The following UGT1A8 variants were observed in gnomAD, a reference collection of about 807,000 sequenced individuals.
UGT1A8 encodes UDP-glucuronosyltransferase 1A8.
In UGT1A8, 39 loss-of-function variants were observed where a neutral mutation model predicts 45.3. That is an observed-to-expected ratio of 0.86 (90% CI 0.67 to 1.12). The LOEUF (loss-of-function observed/expected upper bound fraction) is 1.12, where lower values mean the gene tolerates loss of function less well. UGT1A8 is among the 50% of genes most tolerant of loss of function. The probability of loss-of-function intolerance (pLI) is 0.00; values close to 1 mark genes in which losing one functional copy is unlikely to be tolerated. For synonymous variants in UGT1A8, 275 were observed against 249.2 expected (o/e 1.10, Z -0.97); for missense variants, 719 against 664.9 (o/e 1.08, Z -0.90).
intron 1 of UGT1A8, among the ~76,000 whole-genome samples, chr2:233,700,421 A>G (rs1338095372): frequency 6.6e-6 from 1 of 152,210 alleles, no homozygotes; most frequent in East Asian, 1.9e-4. Flanking sequence ...CTGTTAATAG[A>G]TAATTATCTA....
chr2:233,723,584 A>C (rs1403831697), intron 1 of UGT1A8, among the ~76,000 whole-genome samples: 1 of 77,864 alleles, frequency 1.3e-5, no homozygotes, highest in Non-Finnish European at 2.3e-5. Context: ...ACAGAGGGGG[A>C]TTTGGCAGGG....
chr2:233,750,471 A>G (rs759933129), intron 1 of UGT1A8: 1 of 152,038 alleles, frequency 6.6e-6, no homozygotes, highest in African/African-American at 2.4e-5. Context: ...AATACTGGCT[A>G]TAGAAATTTG....
At chr2:233,742,213 CAGGGCTGAG>C (rs1691910007) in intron 1 of UGT1A8, among the ~76,000 whole-genome samples, 1 of 151,938 alleles carries the variant, frequency 6.6e-6, no homozygotes, top group Non-Finnish European at 1.5e-5. Context: ...TCACAGCCTT[CAGGGCTGAG>C]AGCCCCAAAC....
chr2:233,712,511 T>C (rs2013018), intron 1 of UGT1A8, among the ~76,000 whole-genome samples: 15,485 of 152,220 alleles, frequency 0.1, 907 homozygotes, highest in East Asian at 0.2. Context: ...TTGTCTGCAT[T>C]TTGGATGTGC....
intron 1 of UGT1A8, among the ~76,000 whole-genome samples, chr2:233,651,342 T>A (rs2073735884): frequency 6.6e-6 from 1 of 152,186 alleles, no homozygotes; most frequent in Non-Finnish European, 1.5e-5. Context: ...TGATTTTATA[T>A]CACCTATCAT....
At chr2:233,767,261 T>C in intron 2 of UGT1A8, 96 bp downstream of exon 2, 1 of 1,590,062 alleles carries the variant, frequency 6.3e-7, no homozygotes, top group Non-Finnish European at 8.5e-7. Context: ...ATTGGAACCT[T>C]AGATTTGGCT....
intron 1 of UGT1A8, among the ~76,000 whole-genome samples, chr2:233,702,805 A>G (rs1026483662): frequency 6.6e-6 from 1 of 152,244 alleles, no homozygotes; most frequent in African/African-American, 2.4e-5. Flanking sequence ...TTCCTAGAAT[A>G]ATCCCACTTG....
intron 1 of UGT1A8, among the ~76,000 whole-genome samples, chr2:233,728,574 G>A (rs45507691): frequency 0.037 from 5,630 of 152,284 alleles, 132 homozygotes; most frequent in Non-Finnish European, 0.057. Flanking sequence ...ATCCTGGTGC[G>A]AAAAACGACC....
chr2:233,725,061 C>T (rs1212157566), intron 1 of UGT1A8, among the ~76,000 whole-genome samples: 1 of 147,216 alleles, frequency 6.8e-6, no homozygotes, highest in Admixed American at 6.8e-5. Flanking sequence ...GCGGCGCGCG[C>T]CTGCAATCGC....
chr2:233,713,434 T>A lies in UGT1A8; in HGVS notation c.856-53600T>A. ...CACCTGCATGCTACTTCCTTTGATG[T>A]GGTTCTAACAGACCCCTTTCACCTC... On this transcript the variant is annotated intron_variant, in intron 1 of 4. Coordinates refer to ENST00000373450, the MANE Select transcript of UGT1A8 (RefSeq NM_019076.5). 4 of 1,614,196 alleles carry A rather than the reference T, an allele frequency of 2.5e-6. No homozygotes were observed. The highest frequency in any genetic ancestry group is 3.4e-6 in the Non-Finnish European group (4 of 1,180,026).
At chr2:233,632,125 G>T (rs1031895417) in intron 1 of UGT1A8, among the ~76,000 whole-genome samples, 1 of 152,106 alleles carries the variant, frequency 6.6e-6, no homozygotes, top group Admixed American at 6.6e-5. Flanking sequence ...TGTCAGGTTT[G>T]TCAAAGGTCA....
At chr2:233,625,038 T>C (rs2073067132) in intron 1 of UGT1A8, among the ~76,000 whole-genome samples, 1 of 152,102 alleles carries the variant, frequency 6.6e-6, no homozygotes. Context: ...AAAACATAAC[T>C]ACTAACAACC....
chr2:233,740,789 C>T (rs1289641482), intron 1 of UGT1A8: 2 of 151,852 alleles, frequency 1.3e-5, no homozygotes, highest in Non-Finnish European at 2.9e-5. Context: ...TGAATACCCA[C>T]ATAACAGGCT....
At chr2:233,755,200 G>T in intron 1 of UGT1A8, 1 of 1,105,696 alleles carries the variant, frequency 9.0e-7, no homozygotes, top group Non-Finnish European at 1.3e-6. Context: ...GCCAGCTTGC[G>T]GTACGCCTTC....
chr2:233,654,783 A>G (rs190797944), intron 1 of UGT1A8, among the ~76,000 whole-genome samples: 11 of 152,144 alleles, frequency 7.2e-5, no homozygotes, highest in Non-Finnish European at 1.3e-4. Context: ...CAGTGGCTCT[A>G]TGTGAGTAGT....
chr2:233,621,888 A>C (rs919863721), intron 1 of UGT1A8, among the ~76,000 whole-genome samples: 10 of 151,710 alleles, frequency 6.6e-5, no homozygotes, highest in African/African-American at 2.4e-4. Context: ...TCAGCCCCCC[A>C]CCCCATGACA....
chr2:233,724,345 C>T (rs2077230471), intron 1 of UGT1A8, among the ~76,000 whole-genome samples: 3 of 148,032 alleles, frequency 2.0e-5, no homozygotes, highest in East Asian at 2.1e-4. Flanking sequence ...GGCTGACCCC[C>T]CCCACCTCCC....
At chr2:233,719,999 T>G (rs1373065524) in intron 1 of UGT1A8, among the ~76,000 whole-genome samples, 1 of 152,178 alleles carries the variant, frequency 6.6e-6, no homozygotes, top group East Asian at 1.9e-4. Context: ...GACACTACAT[T>G]CAGAACTGAT....
chr2:233,647,822 C>A, intron 1 of UGT1A8: 1 of 945,886 alleles, frequency 1.1e-6, no homozygotes, highest in Admixed American at 2.7e-5. Context: ...TTGATTTGCC[C>A]CAAAAGCTAG....
Sources: allele counts gnomAD v4.1 joint callset (sites outside exome capture counted in the v4.1 genomes callset), GRCh38; gene constraint gnomAD v4.1.1; transcripts MANE v1.5; gene names NCBI Gene and HGNC (gene_info 2026-07-23, HGNC 2026-07-21).